The following PRKCE variants were observed in gnomAD, a reference collection of about 807,000 sequenced individuals.
PRKCE encodes protein kinase C epsilon.
Under a neutral mutation model 85.4 loss-of-function variants are expected in PRKCE, and 16 were observed. That is an observed-to-expected ratio of 0.19 (90% CI 0.13 to 0.28). PRKCE has a LOEUF of 0.28. PRKCE is among the 10% of genes least tolerant of loss of function. The pLI, the probability that PRKCE is intolerant of heterozygous loss-of-function variation, is 1.00. For missense variants in PRKCE, 573 were observed against 975.2 expected (o/e 0.59, Z 5.49); for synonymous variants, 388 against 371.5 (o/e 1.04, Z -0.51).
intron 1 of PRKCE, among the ~76,000 whole-genome samples, chr2:45,674,531 C>A (rs187597922): frequency 1.1e-4 from 17 of 152,124 alleles, no homozygotes; most frequent in Non-Finnish European, 8.8e-5. Context: ...AGTCAGGGCC[C>A]AACTCACTGT....
chr2:46,123,243 T>TG (rs1344325841), intron 11 of PRKCE, among the ~76,000 whole-genome samples: 1 of 115,196 alleles, frequency 8.7e-6, no homozygotes, highest in Non-Finnish European at 1.8e-5. Context: ...TTTTTTTTTT[T>TG]GGTCTACACA....
rs1677525800 is a variant in PRKCE at position 46,159,330 on chromosome 2, G to A, written c.1921-276G>A. On this transcript the variant is annotated intron_variant, in intron 13 of 14. Transcript: ENST00000306156. The surrounding 1 kb of genome is among the most constrained non-coding windows in gnomAD (Gnocchi z 4.1). ...ATTAGCTGACCTCTGTGTGCTTCTA[G>A]TGCCTCGTTTATAATATAGAGACAA... is the stretch of plus-strand genomic sequence containing the variant. 6.6e-6 allele frequency among the ~76,000 whole-genome samples: 1 copy of A among 152,206 alleles called. No individual in the cohort carries two copies. Among genetic ancestry groups the A allele is most frequent in the Non-Finnish European group, 1.5e-5 (1 of 68,034 alleles).
At chr2:46,095,675 G>T (rs1262112338) in intron 11 of PRKCE, among the ~76,000 whole-genome samples, 1 of 152,112 alleles carries the variant, frequency 6.6e-6, no homozygotes, top group African/African-American at 2.4e-5. Context: ...AGTTTTCTTG[G>T]ATCTACTAAT....
intron 1 of PRKCE, among the ~76,000 whole-genome samples, chr2:45,689,426 C>T (rs1166515611): frequency 1.3e-5 from 2 of 152,048 alleles, no homozygotes; most frequent in South Asian, 2.1e-4. Context: ...TACCTTGTTT[C>T]CTATTGGCGA....
chr2:45,654,812 A>C lies in PRKCE; in HGVS notation c.348+2364A>C, dbSNP rs1200337308. Among the ~76,000 whole-genome samples the C allele has an allele frequency of 2.0e-5, 3 of 152,048 alleles. No individual in the cohort carries two copies. The South Asian group carries it at 6.2e-4, about 32-fold the overall frequency. On this transcript the variant is annotated intron_variant, in intron 1 of 14. Transcript: ENST00000306156. The stretch of plus-strand genomic sequence containing the variant: ...TGGTTCCTCCAGGCTGAAGGTGGGG[A>C]CTCATTGGCAGGGGTGACTGGCCCC...
At chr2:45,935,071 A>ACG (rs1219488521) in intron 2 of PRKCE, among the ~76,000 whole-genome samples, 1 of 144,540 alleles carries the variant, frequency 6.9e-6, no homozygotes, top group Non-Finnish European at 1.5e-5. Context: ...TCTCTCTCAC[A>ACG]CACACACACA....
chr2:45,711,910 A>C (rs1573023363), intron 1 of PRKCE, among the ~76,000 whole-genome samples: 1 of 152,280 alleles, frequency 6.6e-6, no homozygotes, highest in Non-Finnish European at 1.5e-5. Context: ...GGCATGAGCC[A>C]ACACGCCCGG....
intron 1 of PRKCE, among the ~76,000 whole-genome samples, chr2:45,837,739 G>A (rs558025042): frequency 6.6e-6 from 1 of 152,122 alleles, no homozygotes; most frequent in South Asian, 2.1e-4. Context: ...TAATAATACT[G>A]TTACCACGCC....
intron 1 of PRKCE, among the ~76,000 whole-genome samples, chr2:45,743,867 G>A (rs1682792144): frequency 6.6e-6 from 1 of 152,148 alleles, no homozygotes; most frequent in South Asian, 2.1e-4. Context: ...AAACTGGCCT[G>A]GTCAGAGATG....
chr2:45,842,325 A>G (rs570059620), intron 1 of PRKCE, among the ~76,000 whole-genome samples: 1 of 152,298 alleles, frequency 6.6e-6, no homozygotes, highest in East Asian at 1.9e-4. Context: ...GGTTCGTCAG[A>G]TACTTTATCA....
chr2:46,061,104 CTTTTTTTTTT>C (rs565280374), intron 10 of PRKCE, among the ~76,000 whole-genome samples: 2 of 103,494 alleles, frequency 1.9e-5, no homozygotes, highest in East Asian at 3.0e-4. Context: ...CTTTTTTTTC[CTTTTTTTTTT>C]TTTTTTTTTT....
At chr2:45,777,251 T>C in intron 1 of PRKCE, among the ~76,000 whole-genome samples, 1 of 151,936 alleles carries the variant, frequency 6.6e-6, no homozygotes, top group East Asian at 1.9e-4. Context: ...AGAAGGTAAG[T>C]TTGAGATGGG....
rs1408485636 is a variant in PRKCE, at chr2:45,702,453, T to C, written c.348+50005T>C. On this transcript the variant is annotated intron_variant, in intron 1 of 14. Transcript: ENST00000306156. The stretch of plus-strand genomic sequence containing the variant: ...GCTGAGAGAGCATCTGTAAACTGCC[T>C]AGTCTATTGTGTGTGTTATAGAAGG... 2.0e-5 allele frequency among the ~76,000 whole-genome samples: 3 copies of C among 152,178 alleles called. No individual in the cohort carries two copies. In the East Asian group the frequency reaches 5.8e-4, roughly 29 times the overall value.
At chr2:45,681,544 G>A (rs1676903116) in intron 1 of PRKCE, among the ~76,000 whole-genome samples, 2 of 152,138 alleles carry the variant, frequency 1.3e-5, no homozygotes, top group South Asian at 4.1e-4. Flanking sequence ...AATTGTTTTG[G>A]TTTTGGTGCT....
At chr2:45,688,538 G>A (rs181048185) in intron 1 of PRKCE, among the ~76,000 whole-genome samples, 1 of 152,138 alleles carries the variant, frequency 6.6e-6, no homozygotes, top group Non-Finnish European at 1.5e-5. Context: ...AAAATGAAAA[G>A]AATTTAACTT....
chr2:45,682,731 C>T (rs894229576), intron 1 of PRKCE, among the ~76,000 whole-genome samples: 2 of 152,188 alleles, frequency 1.3e-5, no homozygotes, highest in African/African-American at 4.8e-5. Flanking sequence ...GGATTACAGG[C>T]ATGTGCCACC....
intron 1 of PRKCE, among the ~76,000 whole-genome samples, chr2:45,696,751 T>C (rs1678184478): frequency 6.6e-6 from 1 of 152,252 alleles, no homozygotes; most frequent in South Asian, 2.1e-4. Context: ...ATTGTCACAT[T>C]GTTCCACAGA....
chr2:45,935,897 C>G (rs1340134030), intron 2 of PRKCE, among the ~76,000 whole-genome samples: 1 of 152,172 alleles, frequency 6.6e-6, no homozygotes, highest in Non-Finnish European at 1.5e-5. Context: ...CCATTGTGCT[C>G]TGGAAAGCAG....
chr2:46,112,965 C>A (rs1392403917), intron 11 of PRKCE, among the ~76,000 whole-genome samples: 1 of 152,094 alleles, frequency 6.6e-6, no homozygotes, highest in Non-Finnish European at 1.5e-5. Flanking sequence ...AAAGTTTGTT[C>A]TAGAATCTAT....
Sources: gnomAD v4.1 joint callset for allele counts (sites outside exome capture counted in the v4.1 genomes callset) on GRCh38, gnomAD v4.1.1 for gene constraint, Gnocchi (gnomAD v3.1) non-coding constraint, MANE v1.5 for transcripts, NCBI Gene and HGNC (gene_info 2026-07-23, HGNC 2026-07-21) for gene names.